IL1RAPL1: variants seen among roughly 807,000 people sequenced by gnomAD.
The protein encoded by IL1RAPL1 is interleukin 1 receptor accessory protein like 1.
A neutral mutation model predicts 48.4 loss-of-function variants in IL1RAPL1; 3 were observed. The observed-to-expected ratio is 0.06, with a 90% CI of 0.03 to 0.16. The LOEUF (loss-of-function observed/expected upper bound fraction) is 0.16, where lower values mean the gene tolerates loss of function less well. Ranked by LOEUF, IL1RAPL1 falls within the 10% of genes least tolerant of loss-of-function variation. The probability of loss-of-function intolerance (pLI) is 1.00; values close to 1 mark genes in which losing one functional copy is unlikely to be tolerated. For missense variants in IL1RAPL1, 349 were observed against 530.6 expected (o/e 0.66, Z 3.36); for synonymous variants, 185 against 187.7 (o/e 0.99, Z 0.12).
At chrX:29,810,381 G>A (rs993699131) in intron 6 of IL1RAPL1, among the ~76,000 whole-genome samples, 1 of 109,728 alleles carries the variant, frequency 9.1e-6, no homozygotes, top group Non-Finnish European at 1.9e-5. Flanking sequence ...AGTAGAGACG[G>A]GGTTTCACCA....
chrX:29,658,705 A>G (rs889516070), intron 5 of IL1RAPL1, among the ~76,000 whole-genome samples: 1 of 111,916 alleles, frequency 8.9e-6, no homozygotes, highest in Non-Finnish European at 1.9e-5. Flanking sequence ...TGTCATAGTT[A>G]TACACATTTT....
At chrX:29,530,888 G>A (rs925489436) in intron 5 of IL1RAPL1, among the ~76,000 whole-genome samples, 3 of 112,029 alleles carry the variant, frequency 2.7e-5, no homozygotes, top group African/African-American at 9.7e-5. Context: ...GAGCGACTTT[G>A]GATGAGTTAT....
intron 2 of IL1RAPL1, among the ~76,000 whole-genome samples, chrX:28,815,839 G>GTATATATATATATATATATATA (rs61436993): frequency 3.4e-5 from 1 of 29,106 alleles, no homozygotes; most frequent in Non-Finnish European, 7.7e-5. Context: ...GTGTGTTTAT[G>GTATATATATATATATATATATA]TATATATATA....
intron 8 of IL1RAPL1, among the ~76,000 whole-genome samples, chrX:29,931,954 G>A (rs890725001): frequency 8.0e-5 from 9 of 112,407 alleles, no homozygotes; most frequent in African/African-American, 2.9e-4. Context: ...CCTAGTAGAG[G>A]GAAAGCAATA....
chrX:28,687,990 G>A (rs1174354300), intron 1 of IL1RAPL1, among the ~76,000 whole-genome samples: 1 of 105,672 alleles, frequency 9.5e-6, no homozygotes, highest in Non-Finnish European at 1.9e-5. Flanking sequence ...AGTAATCCTA[G>A]CTACTCAGGA....
intron 6 of IL1RAPL1, among the ~76,000 whole-genome samples, chrX:29,784,414 T>C (rs1929442298): frequency 9.0e-6 from 1 of 111,320 alleles, no homozygotes; most frequent in African/African-American, 3.3e-5. Flanking sequence ...ATACTGACCA[T>C]AGTATGATGC....
In IL1RAPL1 at chrX:28,722,128, G is replaced by A. The variant is rs769738507; in HGVS notation, c.-24-67192G>A. ...TTAAAGTAGCTTTTTCTAATTCTGC[G>A]AAGAAAGTCATTGGTAGCTTGATGG... is the stretch of plus-strand genomic sequence containing the variant. On this transcript the variant is annotated intron_variant, in intron 1 of 10. Coordinates refer to ENST00000378993, the MANE Select transcript of IL1RAPL1 (RefSeq NM_014271.4). Among the ~76,000 whole-genome samples, 7 of 111,740 alleles carry A rather than the reference G, an allele frequency of 6.3e-5. No homozygotes were observed. The East Asian group carries it at 8.5e-4, about 14-fold the overall frequency.
At chrX:28,908,460 T>C (rs976327226) in intron 2 of IL1RAPL1, among the ~76,000 whole-genome samples, 1 of 112,076 alleles carries the variant, frequency 8.9e-6, no homozygotes, top group Non-Finnish European at 1.9e-5. Flanking sequence ...GTGATTTATT[T>C]GGAAGTATGT....
chrX:29,447,541 A>C, intron 5 of IL1RAPL1, among the ~76,000 whole-genome samples: 1 of 112,288 alleles, frequency 8.9e-6, no homozygotes, highest in Non-Finnish European at 1.9e-5. Context: ...GATATTAAAG[A>C]GTGAATAGTG....
chrX:29,093,936 C>G (rs2651175), intron 2 of IL1RAPL1, among the ~76,000 whole-genome samples: 7 of 110,694 alleles, frequency 6.3e-5, no homozygotes, highest in African/African-American at 2.3e-4. Flanking sequence ...CCAGGTTTCT[C>G]CTCAACCCTT....
At chrX:29,505,464 C>T (rs1935318061) in intron 5 of IL1RAPL1, among the ~76,000 whole-genome samples, 1 of 110,674 alleles carries the variant, frequency 9.0e-6, no homozygotes, top group Non-Finnish European at 1.9e-5. Flanking sequence ...TTTTGTTTTT[C>T]TGGGAAAAAC....
intron 3 of IL1RAPL1, among the ~76,000 whole-genome samples, chrX:29,364,962 C>T (rs956390412): frequency 1.1e-4 from 12 of 110,995 alleles, no homozygotes; most frequent in African/African-American, 2.6e-4. Flanking sequence ...GTAAAAAACA[C>T]GAATTTCATA....
At chrX:28,876,182 C>T (rs1418125466) in intron 2 of IL1RAPL1, among the ~76,000 whole-genome samples, 2 of 111,544 alleles carry the variant, frequency 1.8e-5, no homozygotes, top group African/African-American at 3.3e-5. Context: ...TGGACTAAGA[C>T]GGGACATGGG....
intron 1 of IL1RAPL1, among the ~76,000 whole-genome samples, chrX:28,599,325 T>A (rs1412835049): frequency 9.1e-6 from 1 of 109,996 alleles, no homozygotes; most frequent in Non-Finnish European, 1.9e-5. Context: ...CAGAAACCTC[T>A]CAGTCTCTGT....
chrX:28,724,640 G>A (rs1935640289), intron 1 of IL1RAPL1, among the ~76,000 whole-genome samples: 1 of 111,015 alleles, frequency 9.0e-6, no homozygotes, highest in African/African-American at 3.3e-5. Context: ...CTGTCATTAT[G>A]ATGTTATCTG....
At chrX:29,738,547 G>A (rs1182219084) in intron 6 of IL1RAPL1, among the ~76,000 whole-genome samples, 1 of 104,771 alleles carries the variant, frequency 9.5e-6, no homozygotes, top group African/African-American at 3.5e-5. Context: ...CTGGGCACAA[G>A]CAATCTTCCC....
chrX:28,859,555 G>A (rs753222204), intron 2 of IL1RAPL1, among the ~76,000 whole-genome samples: 46 of 110,616 alleles, frequency 4.2e-4, no homozygotes, highest in Non-Finnish European at 7.8e-4. Context: ...ACCGCGCCTG[G>A]GCAAGATCTT....
At chrX:29,080,709 T>C (rs955446667) in intron 2 of IL1RAPL1, among the ~76,000 whole-genome samples, 1 of 109,624 alleles carries the variant, frequency 9.1e-6, no homozygotes, top group Non-Finnish European at 1.9e-5. Flanking sequence ...AATGATACTC[T>C]ACTTTCCTCT....
At chrX:28,907,895 G>A (rs1202713628) in intron 2 of IL1RAPL1, among the ~76,000 whole-genome samples, 1 of 111,873 alleles carries the variant, frequency 8.9e-6, no homozygotes, top group African/African-American at 3.2e-5. Flanking sequence ...AAGGTTATTA[G>A]TAATTAATTC....
Sources: allele counts gnomAD v4.1 joint callset (sites outside exome capture counted in the v4.1 genomes callset), GRCh38; gene constraint gnomAD v4.1.1; transcripts MANE v1.5; gene names NCBI Gene and HGNC (gene_info 2026-07-23, HGNC 2026-07-21).